The following RSU1 variants were observed in gnomAD, a reference collection of about 807,000 sequenced individuals.
The protein encoded by RSU1 is rsu-1.
In RSU1, 26 loss-of-function variants were observed where a neutral mutation model predicts 31.1. The ratio of observed to expected loss-of-function variants is 0.84; its 90% CI spans 0.61 to 1.16. The LOEUF is 1.16. Ranked by LOEUF, RSU1 falls within the 50% of genes most tolerant of loss-of-function variation. The pLI is 0.00. For missense variants in RSU1, 320 were observed against 339.1 expected (o/e 0.94, Z 0.44); for synonymous variants, 164 against 136.3 (o/e 1.20, Z -1.41).
intron 7 of RSU1, among the ~76,000 whole-genome samples, chr10:16,705,550 C>A (rs1040247627): frequency 6.6e-6 from 1 of 152,074 alleles, no homozygotes; most frequent in Non-Finnish European, 1.5e-5. Flanking sequence ...AGTGCAGAGG[C>A]GTGATCTCAG....
chr10:16,622,825 G>A (rs2131481090), intron 8 of RSU1, among the ~76,000 whole-genome samples: 1 of 152,324 alleles, frequency 6.6e-6, no homozygotes, highest in Non-Finnish European at 1.5e-5. Context: ...GTCACAGACT[G>A]CCTGGCCTCA....
intron 7 of RSU1, among the ~76,000 whole-genome samples, chr10:16,722,058 A>C (rs1836274527): frequency 6.6e-6 from 1 of 152,120 alleles, no homozygotes; most frequent in African/African-American, 2.4e-5. Context: ...CATGGTCCAA[A>C]AATAGTTGAG....
chr10:16,617,727 T>A (rs546800464), intron 8 of RSU1, among the ~76,000 whole-genome samples: 127 of 152,022 alleles, frequency 8.4e-4, no homozygotes, highest in Admixed American at 2.2e-3. Context: ...ACAAAAGCCA[T>A]GGGGAAAGGA....
chr10:16,785,526 A>AT (rs1240281059), intron 2 of RSU1, among the ~76,000 whole-genome samples: 1 of 141,808 alleles, frequency 7.1e-6, no homozygotes, highest in Non-Finnish European at 1.5e-5. Flanking sequence ...ATATATATAT[A>AT]ATATTAGTTC....
chr10:16,649,652 G>C (rs1294347144), intron 8 of RSU1, among the ~76,000 whole-genome samples: 1 of 152,094 alleles, frequency 6.6e-6, no homozygotes, highest in African/African-American at 2.4e-5. Flanking sequence ...GATTTTTCTA[G>C]GGGGCACACG....
chr10:16,678,822 T>C (rs1327727336), intron 8 of RSU1, among the ~76,000 whole-genome samples: 2 of 152,156 alleles, frequency 1.3e-5, no homozygotes, highest in Non-Finnish European at 2.9e-5. Context: ...GTTTATTGCC[T>C]ATCCTTCAGG....
rs530825590 is a variant in RSU1, at chr10:16,783,410, C to T, written c.110-1326G>A. 1.5e-4 allele frequency among the ~76,000 whole-genome samples: 22 copies of T among 142,590 alleles called. No homozygotes were observed. In the East Asian group the frequency reaches 4.7e-3, roughly 30 times the overall value. The allele number at this position is 142,590 out of a possible 152,430, so 93.5% of individuals were successfully genotyped here. A position where few individuals can be genotyped will look rare whatever the true frequency, so the allele number is the denominator to read the frequency against. ...CTCACTCTGTCACCAGTTTGGAATA[C>T]AGCCACGCAATCTCAGCTCACTGCA... On this transcript the variant is annotated intron_variant, in intron 2 of 8. Transcript: ENST00000345264.
intron 2 of RSU1, among the ~76,000 whole-genome samples, chr10:16,815,412 C>T (rs1339705021): frequency 6.6e-6 from 1 of 152,208 alleles, no homozygotes; most frequent in African/African-American, 2.4e-5. Flanking sequence ...CACAGTAAAC[C>T]TGACTCTGCA....
intron 8 of RSU1, among the ~76,000 whole-genome samples, chr10:16,660,068 A>T (rs1279312608): frequency 6.6e-6 from 1 of 152,232 alleles, no homozygotes; most frequent in Non-Finnish European, 1.5e-5. Context: ...AGATAGAGAT[A>T]GTGTCTCTCT....
intron 8 of RSU1, among the ~76,000 whole-genome samples, chr10:16,601,362 A>G (rs1157664584): frequency 6.6e-6 from 1 of 152,210 alleles, no homozygotes; most frequent in Non-Finnish European, 1.5e-5. Context: ...GGACCCTAGA[A>G]GTGTCTGAAA....
intron 2 of RSU1, among the ~76,000 whole-genome samples, chr10:16,785,543 T>A (rs1023393384): frequency 6.8e-6 from 1 of 148,144 alleles, no homozygotes; most frequent in Non-Finnish European, 1.5e-5. Flanking sequence ...GTTCTTTCCC[T>A]CTAGAGAACC....
rs750212246 is a variant in RSU1, at chr10:16,593,400, GTTC to G, written c.825_827del (p.Lys275del). The G allele has an allele frequency of 5.6e-6, 9 of 1,614,022 alleles. No homozygotes were observed. The highest frequency in any genetic ancestry group is 3.3e-4 in the Middle Eastern group (2 of 6,082). ...GCCGATGCCAATCCCTTCCTTATCT[GTTC>G]TTGGCTGCCAGGGGTTTCCGGCTGA... On this transcript the variant is annotated inframe_deletion, in exon 9 of 9. Coordinates refer to ENST00000345264, the MANE Select transcript of RSU1 (RefSeq NM_012425.4).
At chr10:16,720,781 T>A (rs544883844) in intron 7 of RSU1, among the ~76,000 whole-genome samples, 2 of 152,322 alleles carry the variant, frequency 1.3e-5, no homozygotes, top group South Asian at 2.1e-4. Flanking sequence ...CTGTTAGGGC[T>A]GCCATGACAG....
intron 8 of RSU1, among the ~76,000 whole-genome samples, chr10:16,594,939 C>T (rs1224445598): frequency 6.6e-6 from 1 of 151,750 alleles, no homozygotes; most frequent in Non-Finnish European, 1.5e-5. Flanking sequence ...CATGCACCAC[C>T]ATGCCCAGCT....
chr10:16,598,848 C>T (rs1833665167), intron 8 of RSU1, among the ~76,000 whole-genome samples: 1 of 152,220 alleles, frequency 6.6e-6, no homozygotes, highest in Non-Finnish European at 1.5e-5. Context: ...AGGTGAGCCT[C>T]TCTGGGCCTG....
intron 8 of RSU1, among the ~76,000 whole-genome samples, chr10:16,598,854 G>A (rs1205690183): frequency 6.6e-6 from 1 of 152,222 alleles, no homozygotes; most frequent in African/African-American, 2.4e-5. Context: ...GCCTCTCTGG[G>A]CCTGACAGGG....
chr10:16,778,855 G>C (rs779306426), intron 3 of RSU1, among the ~76,000 whole-genome samples: 1 of 152,244 alleles, frequency 6.6e-6, no homozygotes, highest in Non-Finnish European at 1.5e-5. Flanking sequence ...GAGAGGGGCA[G>C]TGAGTGCATG....
intron 7 of RSU1, among the ~76,000 whole-genome samples, chr10:16,745,319 G>A (rs1836828591): frequency 6.6e-6 from 1 of 152,170 alleles, no homozygotes; most frequent in African/African-American, 2.4e-5. Context: ...CAGGAGGTGG[G>A]AGCTGTTATT....
At chr10:16,735,441 T>C (rs1483745174) in intron 7 of RSU1, among the ~76,000 whole-genome samples, 3 of 152,340 alleles carry the variant, frequency 2.0e-5, no homozygotes, top group Admixed American at 1.3e-4. Flanking sequence ...CCTTTCCACA[T>C]TGGCAGTTAT....
Sources: gnomAD v4.1 joint callset for allele counts (sites outside exome capture counted in the v4.1 genomes callset) on GRCh38, gnomAD v4.1.1 for gene constraint, MANE v1.5 for transcripts, NCBI Gene and HGNC (gene_info 2026-07-23, HGNC 2026-07-21) for gene names.